The following KIFAP3 variants were observed in gnomAD, a reference collection of about 807,000 sequenced individuals.
KIFAP3 encodes kinesin-associated protein 3.
KIFAP3 carries 68 observed loss-of-function variants against 106.5 expected under a neutral mutation model. The observed-to-expected ratio is 0.64, with a 90% CI of 0.53 to 0.78. The LOEUF (loss-of-function observed/expected upper bound fraction) is 0.78, where lower values mean the gene tolerates loss of function less well. Ranked by LOEUF, KIFAP3 falls within the 30% of genes least tolerant of loss-of-function variation. KIFAP3 has a pLI of 0.00. For synonymous variants in KIFAP3, 320 were observed against 311.5 expected, an observed-to-expected ratio of 1.03 and a Z score of -0.29; for missense variants, 780 against 941.8, an observed-to-expected ratio of 0.83 and a Z score of 2.25.
chr1:170,019,330 A>G (rs1457549413), intron 9 of KIFAP3, among the ~76,000 whole-genome samples: 2 of 152,172 alleles, frequency 1.3e-5, no homozygotes, highest in African/African-American at 4.8e-5. Context: ...AGTTCATTAT[A>G]GAGGACACAG....
intron 16 of KIFAP3, among the ~76,000 whole-genome samples, chr1:169,973,105 G>GTGTATATA (rs145406203): frequency 0.34 from 30,931 of 90,462 alleles, 6,320 homozygotes; most frequent in Middle Eastern, 0.4. Flanking sequence ...AAAATAGTGT[G>GTGTATATA]TATATATATA....
chr1:170,021,055 T>C (rs1227764888), intron 9 of KIFAP3, among the ~76,000 whole-genome samples: 1 of 152,048 alleles, frequency 6.6e-6, no homozygotes, highest in East Asian at 1.9e-4. Context: ...CACAGAAAAG[T>C]GAAAATACTT....
chr1:170,048,819 G>A (rs369647423), intron 2 of KIFAP3, among the ~76,000 whole-genome samples: 13 of 152,120 alleles, frequency 8.5e-5, no homozygotes, highest in African/African-American at 2.7e-4. Flanking sequence ...TTTTCCCACA[G>A]TTTTTGCAGT....
intron 9 of KIFAP3, chr1:170,024,190 C>A (rs1157164970): frequency 3.1e-6 from 1 of 324,200 alleles, no homozygotes; most frequent in Non-Finnish European, 5.5e-6. Context: ...TGGCAAGATC[C>A]ATTCTATATA....
At chr1:170,045,255 T>TA (rs1670184114) in intron 3 of KIFAP3, among the ~76,000 whole-genome samples, 1 of 152,074 alleles carries the variant, frequency 6.6e-6, no homozygotes, top group African/African-American at 2.4e-5. Flanking sequence ...CTGCGATAAG[T>TA]AAAAAATGTT....
chr1:170,072,590 A>C (rs887038151), intron 1 of KIFAP3, among the ~76,000 whole-genome samples: 3 of 152,256 alleles, frequency 2.0e-5, no homozygotes, highest in Non-Finnish European at 1.5e-5. Flanking sequence ...AGATTCAAAA[A>C]AAATTATTTT....
At chr1:170,058,787 A>C (rs942913285) in intron 1 of KIFAP3, among the ~76,000 whole-genome samples, 1 of 152,088 alleles carries the variant, frequency 6.6e-6, no homozygotes, top group Non-Finnish European at 1.5e-5. Flanking sequence ...AAGAAGCAAA[A>C]AATGATGACC....
chr1:169,936,008 A>G (rs1193097287), intron 19 of KIFAP3, among the ~76,000 whole-genome samples: 1 of 151,970 alleles, frequency 6.6e-6, no homozygotes, highest in Non-Finnish European at 1.5e-5. Context: ...ATAAGATTAT[A>G]GCTCATAATT....
chr1:169,999,094 C>G (rs149889341), intron 10 of KIFAP3, among the ~76,000 whole-genome samples: 1 of 152,170 alleles, frequency 6.6e-6, no homozygotes, highest in Non-Finnish European at 1.5e-5. Flanking sequence ...CAATAAACAG[C>G]TATTAGAGAG....
At chr1:169,959,058 G>A (rs1187822734) in intron 18 of KIFAP3, among the ~76,000 whole-genome samples, 1 of 152,108 alleles carries the variant, frequency 6.6e-6, no homozygotes, top group Non-Finnish European at 1.5e-5. Context: ...AGGGAATTAC[G>A]AGCCTCTCAG....
At chr1:170,059,249 T>G (rs990842766) in intron 1 of KIFAP3, among the ~76,000 whole-genome samples, 1 of 151,980 alleles carries the variant, frequency 6.6e-6, no homozygotes, top group Non-Finnish European at 1.5e-5. Context: ...TCAACAAAAC[T>G]GATAGACTGC....
chr1:169,969,455 C>G (rs1665795830), intron 17 of KIFAP3, among the ~76,000 whole-genome samples: 1 of 151,936 alleles, frequency 6.6e-6, no homozygotes, highest in African/African-American at 2.4e-5. Context: ...TTTTAATAAA[C>G]CAGCCTTATT....
At chr1:169,992,844 T>C (rs1021075627) in intron 10 of KIFAP3, among the ~76,000 whole-genome samples, 6 of 152,080 alleles carry the variant, frequency 3.9e-5, no homozygotes, top group African/African-American at 1.2e-4. Flanking sequence ...AAAAAGTGAA[T>C]ACATATCAAG....
chr1:170,032,610 CATATGACCCCAG>C (rs1669473854), intron 7 of KIFAP3, among the ~76,000 whole-genome samples: 1 of 151,688 alleles, frequency 6.6e-6, no homozygotes, highest in Admixed American at 6.6e-5. Context: ...ATGAGTCAAG[CATATGACCCCAG>C]AATATGAGTC....
chr1:170,043,762 T>A (rs931609691), intron 3 of KIFAP3, among the ~76,000 whole-genome samples: 2 of 152,070 alleles, frequency 1.3e-5, no homozygotes, highest in Non-Finnish European at 2.9e-5. Flanking sequence ...GAGTCATGGG[T>A]CTCATCCCAG....
chr1:169,948,386 T>A (rs1458552773), intron 19 of KIFAP3, among the ~76,000 whole-genome samples: 1 of 151,860 alleles, frequency 6.6e-6, no homozygotes, highest in Non-Finnish European at 1.5e-5. Context: ...AAAAGTAATA[T>A]GAAATTCATA....
At chr1:169,928,787 A>C (rs1482805154) in intron 19 of KIFAP3, among the ~76,000 whole-genome samples, 3 of 151,856 alleles carry the variant, frequency 2.0e-5, no homozygotes, top group Non-Finnish European at 2.9e-5. Context: ...ACTGGCTGGA[A>C]ATTTTAAAGG....
chr1:169,941,168 T>A (rs183745954), intron 19 of KIFAP3, among the ~76,000 whole-genome samples: 2,023 of 152,272 alleles, frequency 0.013, 49 homozygotes, highest in African/African-American at 0.044. Context: ...TAGACATAGG[T>A]CTATTTGAAA....
intron 19 of KIFAP3, among the ~76,000 whole-genome samples, chr1:169,953,483 C>T (rs567247100): frequency 6.6e-6 from 1 of 152,094 alleles, no homozygotes; most frequent in South Asian, 2.1e-4. Flanking sequence ...CTATATTTTC[C>T]AACTTGAAGA....
Sources: gnomAD v4.1 joint callset for allele counts (sites outside exome capture counted in the v4.1 genomes callset) on GRCh38, gnomAD v4.1.1 for gene constraint, MANE v1.5 for transcripts, NCBI Gene and HGNC (gene_info 2026-07-23, HGNC 2026-07-21) for gene names.